The following CFDP1 variants were observed in gnomAD, a reference collection of about 807,000 sequenced individuals.
CFDP1 encodes the protein heterochromatin-stabilizing protein CFDP1.
In CFDP1, 31 loss-of-function variants were observed where a neutral mutation model predicts 40.1. The ratio of observed to expected loss-of-function variants is 0.77; its 90% CI spans 0.58 to 1.04. The LOEUF is 1.04. Ranked by LOEUF, CFDP1 falls within the 50% of genes least tolerant of loss-of-function variation. The pLI is 0.00. For synonymous variants in CFDP1, 167 were observed against 120.0 expected, an observed-to-expected ratio of 1.39 and a Z score of -2.56; for missense variants, 423 against 343.4, an observed-to-expected ratio of 1.23 and a Z score of -1.83.
At chr16:75,348,588 C>T (rs2078586535) in intron 5 of CFDP1, among the ~76,000 whole-genome samples, 1 of 151,896 alleles carries the variant, frequency 6.6e-6, no homozygotes, top group South Asian at 2.1e-4. Context: ...TTTTTTGGCT[C>T]ACTTTATATT....
chr16:75,425,369 AGAGT>A (rs892606966), intron 1 of CFDP1, among the ~76,000 whole-genome samples: 1 of 141,584 alleles, frequency 7.1e-6, no homozygotes, highest in African/African-American at 2.6e-5. Context: ...CCTGGGCAAC[AGAGT>A]GACACTCCAT....
At chr16:75,313,047 A>G (rs1397715629) in intron 5 of CFDP1, among the ~76,000 whole-genome samples, 1 of 152,184 alleles carries the variant, frequency 6.6e-6, no homozygotes, top group Non-Finnish European at 1.5e-5. Context: ...TTCTCTGTGA[A>G]TAACAGTCCT....
chr16:75,401,141 A>C (rs2079048705), intron 4 of CFDP1, among the ~76,000 whole-genome samples: 1 of 151,354 alleles, frequency 6.6e-6, no homozygotes, highest in Non-Finnish European at 1.5e-5. Flanking sequence ...AAGAAATACA[A>C]AAATTGGCTG....
At chr16:75,373,987 T>G (rs1311233859) in intron 5 of CFDP1, among the ~76,000 whole-genome samples, 2 of 152,180 alleles carry the variant, frequency 1.3e-5, no homozygotes, top group Non-Finnish European at 2.9e-5. Flanking sequence ...GCACGGTGGC[T>G]CACACCTGTA....
chr16:75,420,111 CAAAAAA>C (rs10706144), intron 1 of CFDP1, among the ~76,000 whole-genome samples: 3 of 62,608 alleles, frequency 4.8e-5, no homozygotes, highest in Admixed American at 2.1e-4. Flanking sequence ...ACCTTCATCT[CAAAAAA>C]AAAAAAAAAA....
intron 5 of CFDP1, among the ~76,000 whole-genome samples, chr16:75,318,166 C>G (rs1046408334): frequency 9.2e-5 from 14 of 151,990 alleles, no homozygotes; most frequent in Non-Finnish European, 1.6e-4. Context: ...GTCAATGACC[C>G]TTCTCAAGGA....
intron 1 of CFDP1, among the ~76,000 whole-genome samples, chr16:75,418,474 AT>A (rs1006229726): frequency 1.3e-5 from 2 of 151,122 alleles, no homozygotes; most frequent in Non-Finnish European, 3.0e-5. Flanking sequence ...TGCCTGGCTA[AT>A]TTTTTTTGTA....
At chr16:75,361,024 T>C (rs2151531680) in intron 5 of CFDP1, among the ~76,000 whole-genome samples, 1 of 152,270 alleles carries the variant, frequency 6.6e-6, no homozygotes, top group South Asian at 2.1e-4. Flanking sequence ...TTTTCTTTTT[T>C]TCTGAGGCAG....
intron 5 of CFDP1, among the ~76,000 whole-genome samples, chr16:75,315,158 T>G (rs758624107): frequency 4.0e-5 from 6 of 151,836 alleles, no homozygotes. Context: ...CTGGGCGACA[T>G]GGCAAAACCC....
At chr16:75,392,742 A>G (rs181701760) in intron 5 of CFDP1, among the ~76,000 whole-genome samples, 10 of 152,304 alleles carry the variant, frequency 6.6e-5, no homozygotes, top group Admixed American at 5.9e-4. Context: ...ACTACATGTG[A>G]TGTGCTCTGA....
At chr16:75,297,550 G>A (rs2078192703) in intron 6 of CFDP1, among the ~76,000 whole-genome samples, 1 of 152,134 alleles carries the variant, frequency 6.6e-6, no homozygotes, top group African/African-American at 2.4e-5. Context: ...CACGGCTCTT[G>A]CTCTTGATGT....
At chr16:75,298,669 G>T (rs1407033170) in intron 6 of CFDP1, among the ~76,000 whole-genome samples, 1 of 152,290 alleles carries the variant, frequency 6.6e-6, no homozygotes, top group African/African-American at 2.4e-5. Flanking sequence ...GAGAAATGCA[G>T]TTGAAAGAAG....
chr16:75,356,343 T>C (rs1194566950), intron 5 of CFDP1, among the ~76,000 whole-genome samples: 2 of 152,206 alleles, frequency 1.3e-5, no homozygotes, highest in Non-Finnish European at 2.9e-5. Context: ...ACAACATTAA[T>C]CTTCTTGTAC....
At chr16:75,372,389 G>T (rs762752718) in intron 5 of CFDP1, 4 of 152,160 alleles carry the variant, frequency 2.6e-5, no homozygotes, top group Non-Finnish European at 5.9e-5. Flanking sequence ...ACTCTGGCCA[G>T]GAGTGCTGAC....
At chr16:75,368,302 T>C (rs1198444971) in intron 5 of CFDP1, among the ~76,000 whole-genome samples, 1 of 152,208 alleles carries the variant, frequency 6.6e-6, no homozygotes, top group Admixed American at 6.5e-5. Context: ...TTAAGAGATA[T>C]ACACTTAAAT....
At chr16:75,304,223 T>C (rs1235551001) in intron 6 of CFDP1, among the ~76,000 whole-genome samples, 1 of 151,948 alleles carries the variant, frequency 6.6e-6, no homozygotes, top group Admixed American at 6.6e-5. Flanking sequence ...TGTGCACCAC[T>C]ATGCCTGGCT....
intron 4 of CFDP1, 99 bp from the exon 5 acceptor site, chr16:75,395,308 C>T (rs1319213031): frequency 4.7e-6 from 6 of 1,266,708 alleles, no homozygotes; most frequent in African/African-American, 4.5e-5. Flanking sequence ...ATCCACTCGG[C>T]TTCCAATAAA....
At chr16:75,310,889 C>G (rs889446) in intron 5 of CFDP1, among the ~76,000 whole-genome samples, 108,616 of 152,104 alleles carry the variant, frequency 0.71, 39,428 homozygotes, top group Admixed American at 0.79. Context: ...AGAATTTTAG[C>G]TTTGGAAAGG....
At chr16:75,367,163 TCAA>T (rs2078720446) in intron 5 of CFDP1, among the ~76,000 whole-genome samples, 1 of 58,508 alleles carries the variant, frequency 1.7e-5, no homozygotes. Flanking sequence ...AGACTCCATC[TCAA>T]AAAAAAAAAA....
Sources: gnomAD v4.1 joint callset for allele counts (sites outside exome capture counted in the v4.1 genomes callset) on GRCh38, gnomAD v4.1.1 for gene constraint, MANE v1.5 for transcripts, NCBI Gene and HGNC (gene_info 2026-07-23, HGNC 2026-07-21) for gene names.